PLCL1: variants seen among roughly 807,000 people sequenced by gnomAD.
PLCL1 encodes inactive phospholipase C-like protein 1.
PLCL1 carries 41 observed loss-of-function variants against 84.4 expected under a neutral mutation model. The ratio of observed to expected loss-of-function variants is 0.49; its 90% CI spans 0.38 to 0.63. The LOEUF is 0.63. Among genes scored for constraint, PLCL1 ranks in the 30% least tolerant of loss-of-function variants. PLCL1 has a pLI of 0.00. For missense variants in PLCL1, 1,206 were observed against 1,367.8 expected (o/e 0.88, Z 1.87); for synonymous variants, 490 against 488.3 (o/e 1.00, Z -0.05).
chr2:197,892,920 G>A (rs993810145), intron 1 of PLCL1, among the ~76,000 whole-genome samples: 2 of 152,162 alleles, frequency 1.3e-5, no homozygotes, highest in African/African-American at 2.4e-5. Flanking sequence ...GCTTGAACCC[G>A]GGAGGGGAAG....
intron 1 of PLCL1, among the ~76,000 whole-genome samples, chr2:197,932,434 A>G (rs1486999605): frequency 6.6e-6 from 1 of 152,106 alleles, no homozygotes; most frequent in East Asian, 1.9e-4. Flanking sequence ...AACATGTGCC[A>G]TGGTGGTATG....
intron 4 of PLCL1, 63 bp from the exon 5 acceptor site, chr2:198,103,764 A>T (rs1027274959): frequency 1.4e-6 from 1 of 732,560 alleles, no homozygotes; most frequent in Non-Finnish European, 2.3e-6. Flanking sequence ...TAATATTTTC[A>T]TTATAAGATG....
intron 1 of PLCL1, among the ~76,000 whole-genome samples, chr2:198,017,622 T>C (rs1300360816): frequency 1.3e-5 from 2 of 152,242 alleles, no homozygotes; most frequent in Non-Finnish European, 2.9e-5. Flanking sequence ...GGGTAGCACA[T>C]TGTAATGATA....
intron 1 of PLCL1, among the ~76,000 whole-genome samples, chr2:198,078,929 T>A (rs1692644874): frequency 6.6e-6 from 1 of 152,078 alleles, no homozygotes; most frequent in African/African-American, 2.4e-5. Context: ...AGTGTGTAAG[T>A]ACACTTAAGT....
chr2:198,118,938 G>A (rs1693806251), intron 5 of PLCL1, among the ~76,000 whole-genome samples: 1 of 151,926 alleles, frequency 6.6e-6, no homozygotes, highest in African/African-American at 2.4e-5. Context: ...TTTACATTTA[G>A]GATAAATCTT....
chr2:197,847,117 A>T (rs1444716464), intron 1 of PLCL1, among the ~76,000 whole-genome samples: 1 of 152,138 alleles, frequency 6.6e-6, no homozygotes, highest in African/African-American at 2.4e-5. Flanking sequence ...GTCAGAAAGC[A>T]CTTGACGGAG....
chr2:197,974,493 A>G (rs1327762579), intron 1 of PLCL1, among the ~76,000 whole-genome samples: 1 of 152,212 alleles, frequency 6.6e-6, no homozygotes, highest in Non-Finnish European at 1.5e-5. Context: ...ATTTTCAGGC[A>G]ATTAGAATAA....
Position 198,143,855 on chromosome 2 carries a change from C to A in PLCL1, c.3106-2925C>A, listed in dbSNP as rs565240330. ...TCAATGTACACTCTTCACAACACAGCCTTTCAGTTTTGCTTCTTTTATTAG... is the reference window on the plus strand; with the variant it reads ...TCAATGTACACTCTTCACAACACAGACTTTCAGTTTTGCTTCTTTTATTAG... On this transcript the variant is annotated intron_variant, in intron 5 of 5. Transcript: ENST00000428675. Among the ~76,000 whole-genome samples, 12 of 151,848 alleles carry A rather than the reference C, an allele frequency of 7.9e-5. No individual in the cohort carries two copies. The South Asian group carries it at 2.5e-3, about 32-fold the overall frequency.
Position 197,937,216 on chromosome 2 carries a change from C to T in PLCL1, c.240+131877C>T, listed in dbSNP as rs150648569. Among the ~76,000 whole-genome samples the T allele has an allele frequency of 6.4e-4, 98 of 152,240 alleles. 1 individual carries two copies. Among genetic ancestry groups the T allele is most frequent in the African/African-American group, 2.4e-3 (98 of 41,548 alleles). ...GGATGTTTTGAAATCAAGAAGTGGG[C>T]TTCCAGCTTTGTTCTTTTTCAAGAT... On this transcript the variant is annotated intron_variant, in intron 1 of 5. Coordinates refer to ENST00000428675, the MANE Select transcript of PLCL1 (RefSeq NM_006226.4).
chr2:198,052,586 C>CTATGGGAA (rs1691965444), intron 1 of PLCL1, among the ~76,000 whole-genome samples: 1 of 151,292 alleles, frequency 6.6e-6, no homozygotes, highest in Admixed American at 6.6e-5. Flanking sequence ...ATTATTTCAG[C>CTATGGGAA]ACCAACCAAT....
At position 198,068,253 on chromosome 2, in the gene PLCL1, A is replaced by G. The variant is rs150451810; in HGVS notation, c.241-15505A>G. On this transcript the variant is annotated intron_variant, in intron 1 of 5. Coordinates refer to ENST00000428675, the MANE Select transcript of PLCL1 (RefSeq NM_006226.4). ...TTAAGTACTTTATTTCCCTGTCACT[A>G]TACCAGTTCTACAGAAATAAATGAC... 3.0e-3 allele frequency among the ~76,000 whole-genome samples: 464 copies of G among 152,344 alleles called. 1 individual carries two copies. Among genetic ancestry groups the G allele is most frequent in the African/African-American group, 0.011 (439 of 41,586 alleles).
intron 1 of PLCL1, among the ~76,000 whole-genome samples, chr2:197,971,590 A>G (rs1286478436): frequency 6.6e-6 from 1 of 152,230 alleles, no homozygotes; most frequent in Non-Finnish European, 1.5e-5. Context: ...AGACCATAGA[A>G]TTAGCAAAAA....
At chr2:197,973,915 G>C (rs1689916831) in intron 1 of PLCL1, among the ~76,000 whole-genome samples, 1 of 152,200 alleles carries the variant, frequency 6.6e-6, no homozygotes, top group South Asian at 2.1e-4. Flanking sequence ...GGATAGTGGA[G>C]GAGTAGAGAG....
chr2:198,147,054 A>G lies in PLCL1; in HGVS notation c.*92A>G, dbSNP rs1445414229. ...TCTTTAAATGTTTTATAAGTTCACA[A>G]AATGGTGCCCTATATGGGGTATTGG... On this transcript the variant is annotated 3_prime_UTR_variant, in exon 6 of 6. Coordinates refer to ENST00000428675, the MANE Select transcript of PLCL1 (RefSeq NM_006226.4). 4 of 1,048,880 alleles carry G rather than the reference A, an allele frequency of 3.8e-6. No homozygotes were observed. The highest frequency in any genetic ancestry group is 5.4e-6 in the Non-Finnish European group (4 of 737,572). The allele number at this position is 1,048,880 out of a possible 1,614,324, so 65.0% of individuals were successfully genotyped here.
At chr2:198,005,485 A>G (rs971480768) in intron 1 of PLCL1, among the ~76,000 whole-genome samples, 9 of 152,200 alleles carry the variant, frequency 5.9e-5, no homozygotes, top group African/African-American at 2.2e-4. Context: ...TTTCTTTCAC[A>G]CTTCAGTTTC....
chr2:197,874,421 G>A (rs537979892), intron 1 of PLCL1, among the ~76,000 whole-genome samples: 115 of 152,066 alleles, frequency 7.6e-4, no homozygotes, highest in African/African-American at 2.7e-3. Flanking sequence ...AGAGATAGCC[G>A]TTGTTAAAAT....
At chr2:198,002,130 A>G (rs1690616515) in intron 1 of PLCL1, 1 of 219,358 alleles carries the variant, frequency 4.6e-6, no homozygotes, top group South Asian at 6.6e-5. Context: ...CCATGGAAAA[A>G]TTGTCTTCCA....
intron 1 of PLCL1, among the ~76,000 whole-genome samples, chr2:198,003,846 G>A (rs1012455582): frequency 2.5e-4 from 38 of 152,092 alleles, no homozygotes; most frequent in African/African-American, 8.9e-4. Context: ...GGTTGAAAAA[G>A]GTTGATGGAT....
At chr2:198,011,381 A>G (rs1404332672) in intron 1 of PLCL1, among the ~76,000 whole-genome samples, 2 of 151,984 alleles carry the variant, frequency 1.3e-5, no homozygotes, top group Non-Finnish European at 2.9e-5. Flanking sequence ...TTAGTTGTTT[A>G]TGAGTGCATT....
Sources: gnomAD v4.1 joint callset for allele counts (sites outside exome capture counted in the v4.1 genomes callset) on GRCh38, gnomAD v4.1.1 for gene constraint, MANE v1.5 for transcripts, NCBI Gene and HGNC (gene_info 2026-07-23, HGNC 2026-07-21) for gene names.